The following CDH13 variants were observed in gnomAD, a reference collection of about 807,000 sequenced individuals.
The protein encoded by CDH13 is cadherin 13.
Under a neutral mutation model 63.8 loss-of-function variants are expected in CDH13, and 24 were observed. The observed-to-expected ratio is 0.38, with a 90% CI of 0.27 to 0.53. The LOEUF (loss-of-function observed/expected upper bound fraction) is 0.53, where lower values mean the gene tolerates loss of function less well. Among genes scored for constraint, CDH13 ranks in the 20% least tolerant of loss-of-function variants. The pLI is 0.85. For missense variants in CDH13, 1,049 were observed against 903.1 expected (o/e 1.16, Z -2.07); for synonymous variants, 503 against 355.3 (o/e 1.42, Z -4.67).
At chr16:83,065,766 T>C (rs1377383545) in intron 3 of CDH13, among the ~76,000 whole-genome samples, 1 of 151,266 alleles carries the variant, frequency 6.6e-6, no homozygotes, top group Non-Finnish European at 1.5e-5. Context: ...AGGTTCTCGC[T>C]CTTTGGATGT....
chr16:83,276,582 C>T (rs79367484), intron 5 of CDH13, among the ~76,000 whole-genome samples: 1,927 of 152,250 alleles, frequency 0.013, 45 homozygotes, highest in African/African-American at 0.042. Context: ...GAGCATGTCA[C>T]ATCTTGGGCC....
intron 2 of CDH13, among the ~76,000 whole-genome samples, chr16:82,924,253 T>A (rs919127854): frequency 4.1e-5 from 6 of 145,446 alleles, no homozygotes; most frequent in African/African-American, 1.2e-4. Flanking sequence ...TCTATGTGGT[T>A]GCTTTATGAT....
At chr16:83,023,844 A>C (rs928573142) in intron 2 of CDH13, among the ~76,000 whole-genome samples, 3 of 152,214 alleles carry the variant, frequency 2.0e-5, no homozygotes, top group Admixed American at 2.0e-4. Context: ...GAGAATGTAG[A>C]GTCTGTTTTC....
intron 2 of CDH13, among the ~76,000 whole-genome samples, chr16:82,959,307 C>A (rs905610422): frequency 2.5e-4 from 38 of 152,192 alleles, no homozygotes; most frequent in Admixed American, 9.8e-4. Context: ...TTCACTCAAA[C>A]CTGCATGGTG....
chr16:82,680,793 G>A (rs1914458897), intron 1 of CDH13, among the ~76,000 whole-genome samples: 1 of 152,184 alleles, frequency 6.6e-6, no homozygotes, highest in African/African-American at 2.4e-5. Context: ...GGCCTGAAAG[G>A]GCAAGGAGAA....
At chr16:83,419,909 C>T (rs1271101796) in intron 6 of CDH13, among the ~76,000 whole-genome samples, 1 of 126,014 alleles carries the variant, frequency 7.9e-6, no homozygotes, top group Admixed American at 1.0e-4. Context: ...TCTGAATCGT[C>T]CAATCTTTTT....
chr16:83,380,364 G>T (rs958166774), intron 6 of CDH13, among the ~76,000 whole-genome samples: 2 of 152,054 alleles, frequency 1.3e-5, no homozygotes, highest in African/African-American at 4.8e-5. Context: ...GAAGAAGGAA[G>T]GTAACCATCA....
At chr16:82,887,878 C>A (rs1252783375) in intron 2 of CDH13, among the ~76,000 whole-genome samples, 1 of 151,766 alleles carries the variant, frequency 6.6e-6, no homozygotes, top group African/African-American at 2.4e-5. Context: ...AGCAGGTGAA[C>A]CCAGCCTCCC....
At chr16:82,849,731 A>G (rs2039403611) in intron 1 of CDH13, among the ~76,000 whole-genome samples, 1 of 152,228 alleles carries the variant, frequency 6.6e-6, no homozygotes, top group Non-Finnish European at 1.5e-5. Flanking sequence ...GTCTGGGACT[A>G]ATGCAACTGA....
chr16:83,579,171 A>G (rs1003075332), intron 7 of CDH13, among the ~76,000 whole-genome samples: 6 of 152,174 alleles, frequency 3.9e-5, no homozygotes, highest in Admixed American at 3.3e-4. Context: ...GGACCACTCC[A>G]TGCCCACTCT....
intron 6 of CDH13, among the ~76,000 whole-genome samples, chr16:83,462,355 A>G (rs185659140): frequency 2.5e-4 from 38 of 152,346 alleles, no homozygotes; most frequent in African/African-American, 9.1e-4. Flanking sequence ...CCTTTCAGTT[A>G]TATAGTCTCA....
At chr16:83,658,529 TA>T (rs1913107309) in intron 8 of CDH13, among the ~76,000 whole-genome samples, 4 of 145,446 alleles carry the variant, frequency 2.8e-5, no homozygotes, top group African/African-American at 5.2e-5. Flanking sequence ...CCAGGTCCCG[TA>T]TCCTCACCAG....
intron 1 of CDH13, among the ~76,000 whole-genome samples, chr16:82,812,284 G>T (rs1315197816): frequency 6.6e-6 from 1 of 152,182 alleles, no homozygotes; most frequent in African/African-American, 2.4e-5. Flanking sequence ...TGGGACAGTA[G>T]AGGAGCACTA....
chr16:82,791,926 G>A (rs1307992639), intron 1 of CDH13, among the ~76,000 whole-genome samples: 1 of 152,162 alleles, frequency 6.6e-6, no homozygotes, highest in Non-Finnish European at 1.5e-5. Flanking sequence ...CTGCCATCTT[G>A]GGAGCGGCCC....
At chr16:83,100,075 G>C (rs147947270) in intron 3 of CDH13, among the ~76,000 whole-genome samples, 1 of 152,240 alleles carries the variant, frequency 6.6e-6, no homozygotes, top group African/African-American at 2.4e-5. Context: ...GGCTCATTTA[G>C]ACTTTTCAAC....
intron 2 of CDH13, among the ~76,000 whole-genome samples, chr16:82,978,665 C>G (rs145267487): frequency 6.6e-6 from 1 of 152,358 alleles, no homozygotes; most frequent in East Asian, 1.9e-4. Context: ...GTTTGGGAAC[C>G]TCTGTCTAGA....
At chr16:83,426,521 AC>A (rs2071901485) in intron 6 of CDH13, among the ~76,000 whole-genome samples, 1 of 151,500 alleles carries the variant, frequency 6.6e-6, no homozygotes, top group Non-Finnish European at 1.5e-5. Context: ...ACACACACAC[AC>A]ACACACACAC....
At chr16:83,381,267 A>G (rs1250896946) in intron 6 of CDH13, among the ~76,000 whole-genome samples, 1 of 151,842 alleles carries the variant, frequency 6.6e-6, no homozygotes, top group Non-Finnish European at 1.5e-5. Context: ...TTTAGCCTCC[A>G]CCAGTTCCTA....
intron 1 of CDH13, among the ~76,000 whole-genome samples, chr16:82,815,898 G>A (rs1048010400): frequency 1.3e-5 from 2 of 152,146 alleles, no homozygotes; most frequent in East Asian, 1.9e-4. Context: ...TTGGGGAAAC[G>A]GAAAATGTCA....
Sources: gnomAD v4.1 joint callset for allele counts (sites outside exome capture counted in the v4.1 genomes callset) on GRCh38, gnomAD v4.1.1 for gene constraint, MANE v1.5 for transcripts, NCBI Gene and HGNC (gene_info 2026-07-23, HGNC 2026-07-21) for gene names.